Variants in SUPT3H observed in about 807,000 individuals in gnomAD.
The protein encoded by SUPT3H is SPT3 homolog, SAGA and STAGA complex component, also known as transcription initiation protein SPT3 homolog.
SUPT3H carries 44 observed loss-of-function variants against 44.3 expected under a neutral mutation model. The observed-to-expected ratio is 0.99, with a 90% CI of 0.78 to 1.28. The LOEUF (loss-of-function observed/expected upper bound fraction) is 1.28, where lower values mean the gene tolerates loss of function less well. SUPT3H is among the 50% of genes most tolerant of loss of function. The probability of loss-of-function intolerance (pLI) is 0.00; values close to 1 mark genes in which losing one functional copy is unlikely to be tolerated. For synonymous variants in SUPT3H, 124 were observed against 125.6 expected (o/e 0.99, Z 0.09); for missense variants, 380 against 387.1 (o/e 0.98, Z 0.15).
At chr6:45,110,319 T>C (rs1299823694) in intron 2 of SUPT3H, among the ~76,000 whole-genome samples, 1 of 152,182 alleles carries the variant, frequency 6.6e-6, no homozygotes, top group African/African-American at 2.4e-5. Context: ...AAACTTTTTA[T>C]TCTGTATACT....
intron 10 of SUPT3H, among the ~76,000 whole-genome samples, chr6:44,921,163 T>C (rs1431983320): frequency 6.6e-6 from 1 of 152,218 alleles, no homozygotes; most frequent in Non-Finnish European, 1.5e-5. Flanking sequence ...ACATGCTTAT[T>C]GAATAAATGC....
At chr6:45,038,718 C>T (rs1021664557) in intron 3 of SUPT3H, among the ~76,000 whole-genome samples, 1 of 151,772 alleles carries the variant, frequency 6.6e-6, no homozygotes, top group African/African-American at 2.4e-5. Flanking sequence ...TCAATATAAA[C>T]AAGGCAAGTG....
intron 5 of SUPT3H, among the ~76,000 whole-genome samples, chr6:45,007,348 T>C (rs953272368): frequency 2.0e-5 from 3 of 152,114 alleles, no homozygotes; most frequent in African/African-American, 7.2e-5. Context: ...TAATTGCCTC[T>C]CCTCCATCTC....
chr6:45,002,123 C>T (rs1313699435), intron 6 of SUPT3H, among the ~76,000 whole-genome samples: 1 of 152,018 alleles, frequency 6.6e-6, no homozygotes, highest in East Asian at 1.9e-4. Context: ...TTATCAACTT[C>T]TGATATTTTA....
Position 45,230,660 on chromosome 6 carries a change from G to GCCTATATATA in SUPT3H, c.102-124655_102-124654insTATATATAGG, listed in dbSNP as rs765270979. ...TGAAATCATGTTTTAAATTCATTCA[G>GCCTATATATA]TCTATATATATATATATATATATAT... On this transcript the variant is annotated intron_variant, in intron 2 of 10. Transcript: ENST00000371459. Among the ~76,000 whole-genome samples, 283 of 51,168 alleles carry GCCTATATATA rather than the reference G, an allele frequency of 5.5e-3. 7 individuals are homozygous for GCCTATATATA. The highest frequency in any genetic ancestry group is 0.011 in the African/African-American group (180 of 15,936). 33.6% of individuals were successfully genotyped at this position (51,168 alleles called of 152,430 possible). A position where few individuals can be genotyped will look rare whatever the true frequency, so the allele number is the denominator to read the frequency against.
intron 11 of SUPT3H, among the ~76,000 whole-genome samples, chr6:44,814,413 A>AGTATCT (rs1445430930): frequency 6.6e-6 from 1 of 152,088 alleles, no homozygotes; most frequent in Non-Finnish European, 1.5e-5. Flanking sequence ...CTTCCCAGAG[A>AGTATCT]GTATCTGGGA....
chr6:45,135,858 A>G (rs2153586758), intron 2 of SUPT3H, among the ~76,000 whole-genome samples: 1 of 152,354 alleles, frequency 6.6e-6, no homozygotes, highest in Non-Finnish European at 1.5e-5. Flanking sequence ...GAACTCAGAC[A>G]GGCAGACAAG....
intron 5 of SUPT3H, among the ~76,000 whole-genome samples, chr6:45,005,073 A>G (rs1782515525): frequency 1.3e-5 from 2 of 152,188 alleles, no homozygotes; most frequent in South Asian, 4.1e-4. Context: ...TACTGAGTTA[A>G]AAGGTACAAA....
chr6:45,050,021 A>C (rs975122513), intron 3 of SUPT3H, among the ~76,000 whole-genome samples: 1 of 152,176 alleles, frequency 6.6e-6, no homozygotes, highest in African/African-American at 2.4e-5. Flanking sequence ...ATGAAATCAT[A>C]TATGAAACCC....
intron 2 of SUPT3H, among the ~76,000 whole-genome samples, chr6:45,252,597 T>C (rs1056650634): frequency 6.6e-6 from 1 of 151,922 alleles, no homozygotes; most frequent in African/African-American, 2.4e-5. Flanking sequence ...ACATGTAAAT[T>C]TGAAAGGGTT....
At chr6:45,110,526 A>C (rs1275234107) in intron 2 of SUPT3H, among the ~76,000 whole-genome samples, 2 of 151,928 alleles carry the variant, frequency 1.3e-5, no homozygotes, top group African/African-American at 2.4e-5. Flanking sequence ...CTCTCAAAAA[A>C]CAACAGAACC....
chr6:45,020,047 A>G (rs1784891942), intron 4 of SUPT3H, among the ~76,000 whole-genome samples: 1 of 151,952 alleles, frequency 6.6e-6, no homozygotes, highest in African/African-American at 2.4e-5. Flanking sequence ...TTGTTCAAAA[A>G]CAGAAATTAT....
chr6:45,011,343 A>C (rs1783456921), intron 5 of SUPT3H, among the ~76,000 whole-genome samples: 1 of 152,098 alleles, frequency 6.6e-6, no homozygotes, highest in African/African-American at 2.4e-5. Context: ...CTACTAATTT[A>C]ACCTTTTGCT....
chr6:45,109,989 C>T (rs950560244), intron 2 of SUPT3H, among the ~76,000 whole-genome samples: 3 of 152,174 alleles, frequency 2.0e-5, no homozygotes, highest in African/African-American at 7.2e-5. Context: ...CTACCGTCCA[C>T]TAAAGGTCTT....
At chr6:45,219,583 G>A (rs975256973) in intron 2 of SUPT3H, among the ~76,000 whole-genome samples, 2 of 152,136 alleles carry the variant, frequency 1.3e-5, no homozygotes, top group Non-Finnish European at 2.9e-5. Flanking sequence ...TACAACCAGT[G>A]TGAAATGGAT....
At chr6:45,179,650 C>A (rs534961876) in intron 2 of SUPT3H, among the ~76,000 whole-genome samples, 3 of 152,160 alleles carry the variant, frequency 2.0e-5, no homozygotes, top group Non-Finnish European at 4.4e-5. Flanking sequence ...TCAATAGATG[C>A]AGAAAAGGCC....
chr6:45,310,823 T>C (rs1021414979), intron 2 of SUPT3H, among the ~76,000 whole-genome samples: 1 of 151,990 alleles, frequency 6.6e-6, no homozygotes, highest in Non-Finnish European at 1.5e-5. Flanking sequence ...CCTACCCAAA[T>C]AGGAAAGAAC....
chr6:45,344,385 T>G (rs1054748433), intron 2 of SUPT3H, among the ~76,000 whole-genome samples: 1 of 152,132 alleles, frequency 6.6e-6, no homozygotes, highest in African/African-American at 2.4e-5. Context: ...CTATAAACAA[T>G]GTACTTTGTT....
intron 2 of SUPT3H, among the ~76,000 whole-genome samples, chr6:45,311,090 C>A (rs1464229031): frequency 4.6e-5 from 7 of 152,116 alleles, no homozygotes; most frequent in Admixed American, 2.6e-4. Context: ...AAAATACAAT[C>A]AAAAATTCAG....
Sources: allele counts gnomAD v4.1 joint callset (sites outside exome capture counted in the v4.1 genomes callset), GRCh38; gene constraint gnomAD v4.1.1; transcripts MANE v1.5; gene names NCBI Gene and HGNC (gene_info 2026-07-23, HGNC 2026-07-21).